The following SLC2A10 variants were observed in gnomAD, a reference collection of about 807,000 sequenced individuals.
SLC2A10 encodes the protein solute carrier family 2, facilitated glucose transporter member 10.
In SLC2A10, 25 loss-of-function variants were observed where a neutral mutation model predicts 32.1. The ratio of observed to expected loss-of-function variants is 0.78; its 90% CI spans 0.57 to 1.09. The LOEUF (loss-of-function observed/expected upper bound fraction) is 1.09. Ranked by LOEUF, SLC2A10 falls within the 50% of genes least tolerant of loss-of-function variation. SLC2A10 has a pLI of 0.00. For missense variants in SLC2A10, 673 were observed against 686.5 expected, an observed-to-expected ratio of 0.98 and a Z score of 0.22; for synonymous variants, 332 against 309.6, an observed-to-expected ratio of 1.07 and a Z score of -0.76.
chr20:46,717,463 A>G (rs542585863), intron 1 of SLC2A10, among the ~76,000 whole-genome samples: 1 of 152,230 alleles, frequency 6.6e-6, no homozygotes, highest in South Asian at 2.1e-4. Flanking sequence ...TCGGTTCACT[A>G]CAACCTCCGC....
At chr20:46,709,133 T>C (rs1048315578), upstream of SLC2A10, among the ~76,000 whole-genome samples, 1 of 152,170 alleles carries the variant, frequency 6.6e-6, no homozygotes, top group African/African-American at 2.4e-5. Flanking sequence ...CTTCGGCCCA[T>C]CCCAAGCCTA....
chr20:46,721,176 C>G (rs1352170164), intron 1 of SLC2A10, among the ~76,000 whole-genome samples: 1 of 152,154 alleles, frequency 6.6e-6, no homozygotes, highest in African/African-American at 2.4e-5. Context: ...GTGGTTAAAA[C>G]TAGTCACAGA....
chr20:46,726,731 A>G (rs908608126), intron 2 of SLC2A10, 133 bp from the exon 3 acceptor site: 6 of 1,208,376 alleles, frequency 5.0e-6, no homozygotes, highest in Non-Finnish European at 6.1e-6. Context: ...TTATAGCAGA[A>G]TGGGAGTGGG....
At position 46,735,869 on chromosome 20, in the gene SLC2A10, TAAG is replaced by T. The variant is rs1215621696; in HGVS notation, c.*2039_*2041del. ...TCAGCTGACAGCTGCTCAAATCATT[TAAG>T]AAGGAGTTCTGACATTCATTTTCAT... On this transcript the variant is annotated 3_prime_UTR_variant, in exon 5 of 5. Coordinates refer to ENST00000359271, the MANE Select transcript of SLC2A10 (RefSeq NM_030777.4). 6.6e-6 allele frequency: 1 copy of T among 152,270 alleles called. No individual in the cohort carries two copies. Among genetic ancestry groups the T allele is most frequent in the Non-Finnish European group, 1.5e-5 (1 of 68,042 alleles). 9.4% of individuals were successfully genotyped at this position (152,270 alleles called of 1,614,324 possible). A position where few individuals can be genotyped will look rare whatever the true frequency, so the allele number is the denominator to read the frequency against.
chr20:46,715,387 T>C (rs1346761507), intron 1 of SLC2A10, among the ~76,000 whole-genome samples: 2 of 152,054 alleles, frequency 1.3e-5, no homozygotes, highest in African/African-American at 4.8e-5. Flanking sequence ...ACCCAGGAAA[T>C]GGCAAACAAA....
intron 2 of SLC2A10, 42 bp downstream of exon 2, chr20:46,726,366 C>A: frequency 8.3e-6 from 13 of 1,574,024 alleles, no homozygotes; most frequent in Non-Finnish European, 1.0e-5. Flanking sequence ...AGACTTCTAC[C>A]CCTCCTAGGG....
intron 4 of SLC2A10, among the ~76,000 whole-genome samples, chr20:46,731,493 C>A (rs1214108313): frequency 3.3e-5 from 5 of 152,194 alleles, no homozygotes; most frequent in Non-Finnish European, 5.9e-5. Context: ...CCAAATCCAT[C>A]CTCTGGGATA....
At chr20:46,714,042 A>T (rs922932414) in intron 1 of SLC2A10, among the ~76,000 whole-genome samples, 1 of 149,710 alleles carries the variant, frequency 6.7e-6, no homozygotes, top group African/African-American at 2.5e-5. Flanking sequence ...TACTGAGATT[A>T]AAAAAAAAAT....
At chr20:46,726,376 G>C (rs1249203433) in intron 2 of SLC2A10, 52 bp downstream of exon 2, 1 of 1,584,742 alleles carries the variant, frequency 6.3e-7, no homozygotes, top group South Asian at 1.1e-5. Flanking sequence ...CCCTCCTAGG[G>C]GGAAGTTTGG....
intron 1 of SLC2A10, among the ~76,000 whole-genome samples, chr20:46,718,541 G>T (rs1979380468): frequency 1.3e-5 from 2 of 151,992 alleles, no homozygotes; most frequent in Non-Finnish European, 2.9e-5. Flanking sequence ...TTCTTTTGGG[G>T]TTCCTGATAA....
intron 1 of SLC2A10, among the ~76,000 whole-genome samples, chr20:46,717,392 T>C (rs1251090350): frequency 4.6e-5 from 7 of 152,136 alleles, no homozygotes; most frequent in Non-Finnish European, 1.0e-4. Context: ...TTTTATTTAT[T>C]TATTTATTTT....
rs189470058 is a variant in SLC2A10 at position 46,720,034 on chromosome 20, C to T, written c.5-5007C>T. ...GCTGTCAACACAGCAGATCATATAA[C>T]AACTTAGAGGAACAGCATCCATTGT... On this transcript the variant is annotated intron_variant, in intron 1 of 4. Transcript: ENST00000359271. Among the ~76,000 whole-genome samples, 9 of 152,276 alleles carry T rather than the reference C, an allele frequency of 5.9e-5. No homozygotes were observed. In the East Asian group the frequency reaches 1.2e-3, roughly 20 times the overall value.
chr20:46,709,797 C>T (rs2080348648), intron 1 of SLC2A10, 57 bp downstream of exon 1: 2 of 1,540,156 alleles, frequency 1.3e-6, no homozygotes, highest in Non-Finnish European at 1.8e-6. Context: ...AGGGTGTAGA[C>T]ACCGCCCCCA....
chr20:46,713,944 A>G (rs1034484501), intron 1 of SLC2A10, among the ~76,000 whole-genome samples: 7 of 152,188 alleles, frequency 4.6e-5, no homozygotes, highest in Non-Finnish European at 8.8e-5. Flanking sequence ...AGGAAGATGC[A>G]TGGGAATTGG....
Position 46,736,332 on chromosome 20 carries a change from TG to T in SLC2A10, c.*2499del, listed in dbSNP as rs1307841433. On this transcript the variant is annotated 3_prime_UTR_variant, in exon 5 of 5. Coordinates refer to ENST00000359271, the MANE Select transcript of SLC2A10 (RefSeq NM_030777.4). The stretch of plus-strand genomic sequence containing the variant: ...TAAAGAGTATTTACAATAAAGAGTT[TG>T]TTATTATTTGTAAATTGTGTGCAAC... 1 of 152,164 alleles carries T rather than the reference TG, an allele frequency of 6.6e-6. No individual in the cohort carries two copies. Among genetic ancestry groups the T allele is most frequent in the African/African-American group, 2.4e-5 (1 of 41,418 alleles). 9.4% of individuals were successfully genotyped at this position (152,164 alleles called of 1,614,324 possible). A position where few individuals can be genotyped will look rare whatever the true frequency, so the allele number is the denominator to read the frequency against.
chr20:46,713,881 A>G (rs974448460), intron 1 of SLC2A10, among the ~76,000 whole-genome samples: 2 of 152,168 alleles, frequency 1.3e-5, no homozygotes, highest in African/African-American at 4.8e-5. Flanking sequence ...TGAATATGGA[A>G]GACTCATAAA....
In SLC2A10 at chr20:46,720,594, T is replaced by A. The variant is rs142447568; in HGVS notation, c.5-4447T>A. ...TTGTAAGATACGGAAGTCAGAATTA[T>A]TGTGCAGTTTGGTATTTCCTAAGTA... On this transcript the variant is annotated intron_variant, in intron 1 of 4. Transcript: ENST00000359271. Among the ~76,000 whole-genome samples the A allele has an allele frequency of 4.3e-3, 654 of 152,322 alleles. 7 individuals are homozygous for A. Among genetic ancestry groups the A allele is most frequent in the African/African-American group, 0.015 (624 of 41,572 alleles).
Position 46,734,001 on chromosome 20 carries a change from T to C in SLC2A10, c.*167T>C, listed in dbSNP as rs537380056. ...GGTAAAAAGGATGAAAGTCTGAGAA[T>C]GCCCAACTCTTCATTTTGAGTCTCA... On this transcript the variant is annotated 3_prime_UTR_variant, in exon 5 of 5. Transcript: ENST00000359271. 1.2e-5 allele frequency: 8 copies of C among 688,958 alleles called. No homozygotes were observed. The East Asian group carries it at 1.4e-4, about 12-fold the overall frequency. The allele number at this position is 688,958 out of a possible 1,614,324, so 42.7% of individuals were successfully genotyped here. A position where few individuals can be genotyped will look rare whatever the true frequency, so the allele number is the denominator to read the frequency against.
upstream of SLC2A10, chr20:46,709,564 C>A: frequency 1.3e-6 from 1 of 787,238 alleles, no homozygotes; most frequent in Non-Finnish European, 1.8e-6. Context: ...GGCCTCGGGG[C>A]CTGGCTGGCC....
Sources: allele counts gnomAD v4.1 joint callset (sites outside exome capture counted in the v4.1 genomes callset), GRCh38; gene constraint gnomAD v4.1.1; transcripts MANE v1.5; gene names NCBI Gene and HGNC (gene_info 2026-07-23, HGNC 2026-07-21).